Variants in ALDH18A1 observed in about 807,000 individuals in gnomAD.
ALDH18A1 encodes the protein aldehyde dehydrogenase 18 family member A1, also known as delta-1-pyrroline-5-carboxylate synthase.
A neutral mutation model predicts 88.8 loss-of-function variants in ALDH18A1; 44 were observed. That is an observed-to-expected ratio of 0.50 (90% CI 0.39 to 0.64). ALDH18A1 has a LOEUF of 0.64. Ranked by LOEUF, ALDH18A1 falls within the 30% of genes least tolerant of loss-of-function variation. ALDH18A1 has a pLI of 0.00. For missense variants in ALDH18A1, 782 were observed against 1,009.5 expected (o/e 0.77, Z 3.05); for synonymous variants, 331 against 372.1 (o/e 0.89, Z 1.27).
intron 5 of ALDH18A1, among the ~76,000 whole-genome samples, chr10:95,634,775 G>A (rs2139614161): frequency 6.6e-6 from 1 of 152,300 alleles, no homozygotes; most frequent in African/African-American, 2.4e-5. Flanking sequence ...AGGAGAAAAA[G>A]ATAAATGGGT....
chr10:95,631,447 T>C (rs1182726604), intron 7 of ALDH18A1, among the ~76,000 whole-genome samples: 1 of 151,996 alleles, frequency 6.6e-6, no homozygotes, highest in Non-Finnish European at 1.5e-5. Flanking sequence ...AAAAGGCAGA[T>C]AAAAACAACT....
chr10:95,655,698 G>A (rs3793747), intron 1 of ALDH18A1, among the ~76,000 whole-genome samples: 41,957 of 151,722 alleles, frequency 0.28, 6,771 homozygotes, highest in Admixed American at 0.4. Context: ...GTGTGTGTGT[G>A]TGTGTGTGTG....
intron 17 of ALDH18A1, among the ~76,000 whole-genome samples, chr10:95,609,108 C>T (rs2097828219): frequency 6.6e-6 from 1 of 152,178 alleles, no homozygotes; most frequent in Admixed American, 6.5e-5. Flanking sequence ...CTCCCGGCCT[C>T]AGGTGATCTG....
At chr10:95,636,403 GTTGA>G (rs768392981) in intron 5 of ALDH18A1, among the ~76,000 whole-genome samples, 2 of 152,078 alleles carry the variant, frequency 1.3e-5, no homozygotes, top group East Asian at 1.9e-4. Context: ...TAGTTGTACA[GTTGA>G]TTAAGAATAT....
intron 5 of ALDH18A1, among the ~76,000 whole-genome samples, chr10:95,634,986 G>A (rs1271010917): frequency 1.3e-5 from 2 of 152,114 alleles, no homozygotes; most frequent in Non-Finnish European, 2.9e-5. Context: ...TGGTAACTGA[G>A]AAGAATATAG....
At chr10:95,628,680 C>T in intron 7 of ALDH18A1, 188 bp from the exon 8 acceptor site, 1 of 641,842 alleles carries the variant, frequency 1.6e-6, no homozygotes, top group Admixed American at 2.8e-5. Flanking sequence ...GGAAGACTCA[C>T]CTTACATTAT....
intron 2 of ALDH18A1, among the ~76,000 whole-genome samples, chr10:95,652,943 T>C (rs986803537): frequency 6.6e-6 from 1 of 151,594 alleles, no homozygotes; most frequent in Non-Finnish European, 1.5e-5. Context: ...TCCCAGCACT[T>C]TGGGAGGCCA....
intron 6 of ALDH18A1, among the ~76,000 whole-genome samples, chr10:95,633,281 T>C (rs937318668): frequency 2.6e-5 from 4 of 152,184 alleles, no homozygotes; most frequent in African/African-American, 7.2e-5. Context: ...ATACAAGCCA[T>C]GCTCATCGCA....
At chr10:95,630,491 T>C (rs564794910) in intron 7 of ALDH18A1, among the ~76,000 whole-genome samples, 1 of 152,178 alleles carries the variant, frequency 6.6e-6, no homozygotes, top group Non-Finnish European at 1.5e-5. Flanking sequence ...GGCAGGAGGA[T>C]CACGAGGTGA....
In ALDH18A1 at chr10:95,633,530, G is replaced by A. The variant is rs772829720; in HGVS notation, c.678C>T (p.Val226=). The change falls in exon 6 of 18, where the codon GTC becomes GTT. Residue 226 remains valine, a synonymous_variant. Transcript: ENST00000371224. ...GGTCACTGTTGGGCTCAGCTGGGGG[G>A]ACAACAGCATCATTTGTGTTGACAA... is the stretch of plus-strand genomic sequence containing the variant. The part of the protein sequence containing the change: ...VPIVNTNDAV[V]PPAEPNSDLQ... 4.0e-5 allele frequency: 65 copies of A among 1,614,140 alleles called. No homozygotes were observed. In the South Asian group the frequency reaches 5.5e-4, roughly 14 times the overall value.
rs1335667063 is a variant in ALDH18A1 at position 95,653,414 on chromosome 10, TAC to T, written c.-28-11_-28-10del. ...GTCACTAACCAAAGTATCTGCAGAATACATTTTTTAAAAAGTGAGTAATGAAA... is the reference window on the plus strand; with the variant it reads ...GTCACTAACCAAAGTATCTGCAGAATATTTTTTAAAAAGTGAGTAATGAAA... On this transcript the variant is annotated splice_polypyrimidine_tract_variant and intron_variant, in intron 1 of 17. Transcript: ENST00000371224. The T allele has an allele frequency of 6.2e-7, 1 of 1,606,372 alleles. No individual in the cohort carries two copies. Among genetic ancestry groups the T allele is most frequent in the South Asian group, 1.1e-5 (1 of 90,912 alleles).
intron 17 of ALDH18A1, among the ~76,000 whole-genome samples, chr10:95,607,164 T>C (rs984437853): frequency 6.6e-6 from 1 of 152,234 alleles, no homozygotes; most frequent in African/African-American, 2.4e-5. Context: ...GTGTGTGGAC[T>C]CTTCTTCTGT....
In ALDH18A1 at chr10:95,653,351, C is replaced by G. The variant is rs368431558; in HGVS notation, c.27G>C (p.Gly9=). Reference sequence around the variant, plus strand: ...GAAGATGTTGGTTGAAGGGCTGGAACCCACAGCGGTAAACTTGACTCAACA... The same window carrying G: ...GAAGATGTTGGTTGAAGGGCTGGAAGCCACAGCGGTAAACTTGACTCAACA... MLSQVYRC[G]FQPFNQHLLP... Residue 9 remains glycine, a synonymous_variant, in exon 2 of 18, where the codon GGG becomes GGC. Coordinates refer to ENST00000371224, the MANE Select transcript of ALDH18A1 (RefSeq NM_002860.4). The G allele has an allele frequency of 5.1e-5, 82 of 1,612,632 alleles. No individual in the cohort carries two copies. The highest frequency in any genetic ancestry group is 6.5e-5 in the Non-Finnish European group (77 of 1,179,892).
chr10:95,618,246 G>C (rs549592078), intron 12 of ALDH18A1, among the ~76,000 whole-genome samples: 1 of 152,262 alleles, frequency 6.6e-6, no homozygotes, highest in East Asian at 1.9e-4. Context: ...TTCCCAGCAT[G>C]GCTGCTTGGC....
Position 95,625,385 on chromosome 10 carries a change from T to A in ALDH18A1, c.1223A>T (p.Lys408Ile), listed in dbSNP as rs1207910655. Residue 408 changes from lysine to isoleucine, a missense_variant, in exon 11 of 18, where the codon AAA becomes ATA. By Grantham distance (102) the Lys-to-Ile change is moderately radical. Coordinates refer to ENST00000371224, the MANE Select transcript of ALDH18A1 (RefSeq NM_002860.4). Reference protein sequence around the residue: ...DQRDEILLANKKDLEEAEGRL... With the variant: ...DQRDEILLANIKDLEEAEGRL... ...ACCCTCTGCCTCCTCCAAGTCTTTT[T>A]TGTTGGCTAACAGGATCTCATCACG... 6.2e-7 allele frequency: 1 copy of A among 1,614,126 alleles called. No homozygotes were observed.
intron 2 of ALDH18A1, among the ~76,000 whole-genome samples, chr10:95,651,952 C>T (rs2097911066): frequency 6.6e-6 from 1 of 152,228 alleles, no homozygotes; most frequent in Non-Finnish European, 1.5e-5. Flanking sequence ...TTATTCATAA[C>T]AGCCAAAAAA....
chr10:95,619,357 T>C (rs1420047350), intron 12 of ALDH18A1, among the ~76,000 whole-genome samples: 1 of 152,164 alleles, frequency 6.6e-6, no homozygotes. Flanking sequence ...AAAATGGCCA[T>C]ACTGCCCAAG....
intron 3 of ALDH18A1, among the ~76,000 whole-genome samples, chr10:95,639,350 AG>A (rs1182400036): frequency 1.3e-5 from 2 of 151,954 alleles, no homozygotes; most frequent in Non-Finnish European, 2.9e-5. Flanking sequence ...AAAAAGAAAA[AG>A]AAAAAGAAAA....
intron 3 of ALDH18A1, among the ~76,000 whole-genome samples, chr10:95,638,668 T>G (rs1273519481): frequency 6.6e-6 from 1 of 152,138 alleles, no homozygotes; most frequent in Non-Finnish European, 1.5e-5. Context: ...CAGGGGCACA[T>G]GCTGACCTTG....
Sources: allele counts gnomAD v4.1 joint callset (sites outside exome capture counted in the v4.1 genomes callset), GRCh38; gene constraint gnomAD v4.1.1; transcripts MANE v1.5; gene names NCBI Gene and HGNC (gene_info 2026-07-23, HGNC 2026-07-21).